CRTAC1: variants seen among roughly 807,000 people sequenced by gnomAD.
CRTAC1 encodes the protein acidic secreted protein in cartilage.
A neutral mutation model predicts 67.8 loss-of-function variants in CRTAC1; 37 were observed. That is an observed-to-expected ratio of 0.55 (90% CI 0.42 to 0.72). The LOEUF (loss-of-function observed/expected upper bound fraction) is 0.72, where lower values mean the gene tolerates loss of function less well. Ranked by LOEUF, CRTAC1 falls within the 30% of genes least tolerant of loss-of-function variation. The pLI, the probability that CRTAC1 is intolerant of heterozygous loss-of-function variation, is 0.00. For missense variants in CRTAC1, 780 were observed against 931.6 expected (o/e 0.84, Z 2.12); for synonymous variants, 348 against 371.0 (o/e 0.94, Z 0.71).
intron 2 of CRTAC1, among the ~76,000 whole-genome samples, chr10:98,004,018 T>A (rs1284673230): frequency 6.6e-6 from 1 of 152,218 alleles, no homozygotes; most frequent in East Asian, 1.9e-4. Context: ...GTTTTAAGAA[T>A]GGGCTAAAAA....
At position 97,896,222 on chromosome 10, in the gene CRTAC1, G is replaced by A. The variant is rs1234455242; in HGVS notation, c.1217-237C>T. On this transcript the variant is annotated intron_variant, in intron 9 of 14. Transcript: ENST00000370597. ...CCCCTGGTCTTTGCATGGAGAGGGT[G>A]TGTGCAAATTACTCAGACCACATGG... Among the ~76,000 whole-genome samples the A allele has an allele frequency of 2.0e-5, 3 of 152,180 alleles. No individual in the cohort carries two copies. In the East Asian group the frequency reaches 5.8e-4, roughly 29 times the overall value.
intron 8 of CRTAC1, among the ~76,000 whole-genome samples, chr10:97,899,246 A>T (rs1480440726): frequency 6.6e-6 from 1 of 152,248 alleles, no homozygotes; most frequent in Non-Finnish European, 1.5e-5. Flanking sequence ...GACTTGGGGC[A>T]CAGCCACGTA....
At chr10:97,879,202 C>T (rs893395997) in intron 14 of CRTAC1, among the ~76,000 whole-genome samples, 2 of 152,164 alleles carry the variant, frequency 1.3e-5, no homozygotes, top group Admixed American at 6.5e-5. Flanking sequence ...AAGGACCACC[C>T]TTTTCCCTCC....
rs545121749 is a variant in CRTAC1, at chr10:97,929,740, C to T, written c.422-6340G>A. On this transcript the variant is annotated intron_variant, in intron 3 of 14. Coordinates refer to ENST00000370597, the MANE Select transcript of CRTAC1 (RefSeq NM_018058.7). ...GTAAAGTGCTGAGAACAATACCTGG[C>T]ACATGATAAGTTAAATAAATAATAA... 2.6e-5 allele frequency among the ~76,000 whole-genome samples: 4 copies of T among 152,296 alleles called. No individual in the cohort carries two copies. The South Asian group carries it at 8.3e-4, about 32-fold the overall frequency.
Position 97,865,413 on chromosome 10 carries a change from A to T in CRTAC1, c.*135T>A. 3 of 1,056,342 alleles carry T rather than the reference A, an allele frequency of 2.8e-6. No individual in the cohort carries two copies. Among genetic ancestry groups the T allele is most frequent in the Non-Finnish European group, 4.0e-6 (3 of 750,052 alleles). 65.4% of individuals were successfully genotyped at this position (1,056,342 alleles called of 1,614,324 possible). ...TTACGAGTCTCCCTAATTGTTAGCT[A>T]AGTAATGTGCATGGATGGGCTTGGG... On this transcript the variant is annotated 3_prime_UTR_variant, in exon 15 of 15. Transcript: ENST00000370597.
intron 4 of CRTAC1, among the ~76,000 whole-genome samples, chr10:97,919,152 T>C (rs2050801885): frequency 6.6e-6 from 1 of 152,120 alleles, no homozygotes; most frequent in Non-Finnish European, 1.5e-5. Context: ...TGAGTCTGTC[T>C]GACTGGTGGG....
chr10:97,877,556 C>G (rs2050162446), intron 14 of CRTAC1, among the ~76,000 whole-genome samples: 1 of 152,236 alleles, frequency 6.6e-6, no homozygotes, highest in Non-Finnish European at 1.5e-5. Context: ...CTTTTACTTA[C>G]CATTGTTACC....
chr10:98,012,346 C>T (rs916692291), intron 1 of CRTAC1, among the ~76,000 whole-genome samples: 6 of 150,394 alleles, frequency 4.0e-5, no homozygotes, highest in East Asian at 3.9e-4. Flanking sequence ...ACACTTGGAA[C>T]GCTGCAGATG....
chr10:97,922,985 G>A (rs2050861819), intron 4 of CRTAC1, among the ~76,000 whole-genome samples: 2 of 152,242 alleles, frequency 1.3e-5, no homozygotes, highest in South Asian at 4.1e-4. Flanking sequence ...TCCCATGCAA[G>A]TCACTGCTCC....
At chr10:98,018,860 C>G (rs1843059834) in intron 1 of CRTAC1, among the ~76,000 whole-genome samples, 1 of 152,104 alleles carries the variant, frequency 6.6e-6, no homozygotes, top group African/African-American at 2.4e-5. Flanking sequence ...ACAAAGACAC[C>G]CACAAAAGAG....
At chr10:97,884,505 C>T in intron 11 of CRTAC1, 154 bp from the exon 12 acceptor site, 2 of 708,590 alleles carry the variant, frequency 2.8e-6, no homozygotes, top group Non-Finnish European at 4.7e-6. Context: ...GATTTGAGGT[C>T]CCTCCTCTCT....
intron 2 of CRTAC1, among the ~76,000 whole-genome samples, chr10:98,002,758 T>A: frequency 9.1e-6 from 1 of 110,048 alleles, no homozygotes; most frequent in African/African-American, 3.3e-5. Context: ...TTTACAAAAC[T>A]CACTTTTTTT....
At chr10:97,982,394 G>A (rs1450994100) in intron 2 of CRTAC1, among the ~76,000 whole-genome samples, 1 of 152,226 alleles carries the variant, frequency 6.6e-6, no homozygotes, top group Admixed American at 6.5e-5. Context: ...CTTCCAGCAT[G>A]AAGTTAAATC....
rs1308990514 is a variant in CRTAC1, at chr10:97,865,216, G to A, written c.*332C>T. ...ATAGCTTTGTGAGTTCCTGAATCAG[G>A]ATTTGAACTCAGGACACTAAAGTCC... On this transcript the variant is annotated 3_prime_UTR_variant, in exon 15 of 15. Transcript: ENST00000370597. 5 of 245,866 alleles carry A rather than the reference G, an allele frequency of 2.0e-5. No individual in the cohort carries two copies. Among genetic ancestry groups the A allele is most frequent in the Non-Finnish European group, 3.9e-5 (5 of 128,616 alleles). The allele number at this position is 245,866 out of a possible 1,614,324, so 15.2% of individuals were successfully genotyped here.
intron 1 of CRTAC1, among the ~76,000 whole-genome samples, chr10:98,016,601 C>T (rs58703834): frequency 0.013 from 1,995 of 152,182 alleles, 51 homozygotes; most frequent in African/African-American, 0.046. Context: ...AGAACCACCT[C>T]GGGTGGAGGT....
intron 1 of CRTAC1, among the ~76,000 whole-genome samples, chr10:98,027,217 A>AC (rs1365198811): frequency 1.3e-5 from 2 of 152,042 alleles, no homozygotes; most frequent in Non-Finnish European, 2.9e-5. Context: ...CACTCAGCAA[A>AC]CCTGTTTCCC....
intron 11 of CRTAC1, among the ~76,000 whole-genome samples, chr10:97,889,230 T>A (rs1039039802): frequency 6.6e-6 from 1 of 151,824 alleles, no homozygotes; most frequent in African/African-American, 2.4e-5. Flanking sequence ...ATTGGTGTTG[T>A]TTTTATTTTC....
At chr10:97,884,444 A>C in intron 11 of CRTAC1, 93 bp from the exon 12 acceptor site, 1 of 1,211,412 alleles carries the variant, frequency 8.3e-7, no homozygotes, top group Non-Finnish European at 1.2e-6. Context: ...CATTGAATAA[A>C]AGCATGAATT....
chr10:97,997,021 TG>T (rs1842589037), intron 2 of CRTAC1, among the ~76,000 whole-genome samples: 1 of 130,110 alleles, frequency 7.7e-6, no homozygotes, highest in Non-Finnish European at 1.5e-5. Context: ...CACTCATAAG[TG>T]GGAATTGAAC....
Sources: gnomAD v4.1 joint callset for allele counts (sites outside exome capture counted in the v4.1 genomes callset) on GRCh38, gnomAD v4.1.1 for gene constraint, MANE v1.5 for transcripts, NCBI Gene and HGNC (gene_info 2026-07-23, HGNC 2026-07-21) for gene names.